CREBBP: variants seen among roughly 807,000 people sequenced by gnomAD.
The protein encoded by CREBBP is CREB-binding protein.
In CREBBP, 19 loss-of-function variants were observed where a neutral mutation model predicts 265.0. The observed-to-expected ratio is 0.07, with a 90% CI of 0.05 to 0.11. CREBBP has a LOEUF of 0.11. Ranked by LOEUF, CREBBP falls within the 10% of genes least tolerant of loss-of-function variation. The probability of loss-of-function intolerance (pLI) is 1.00; values close to 1 mark genes in which losing one functional copy is unlikely to be tolerated. For synonymous variants in CREBBP, 1,457 were observed against 1,223.7 expected (o/e 1.19, Z -3.98); for missense variants, 2,525 against 3,219.0 (o/e 0.78, Z 5.22).
At chr16:3,805,312 C>T (rs1277240956) in intron 3 of CREBBP, among the ~76,000 whole-genome samples, 3 of 152,184 alleles carry the variant, frequency 2.0e-5, no homozygotes, top group Non-Finnish European at 2.9e-5. Flanking sequence ...AATTCATAAT[C>T]ATAGTGTAAT....
intron 2 of CREBBP, among the ~76,000 whole-genome samples, chr16:3,836,463 A>G (rs1232737990): frequency 6.6e-6 from 1 of 151,666 alleles, no homozygotes; most frequent in East Asian, 1.9e-4. Context: ...AAAAAAGAAA[A>G]AAAAGAAATT....
Position 3,758,915 on chromosome 16 carries a change from C to A in CREBBP, c.3308G>T (p.Arg1103Leu). 6.2e-7 allele frequency: 1 copy of A among 1,613,020 alleles called. No homozygotes were observed. Residue 1103 changes from arginine to leucine, a missense_variant, in exon 17 of 31, where the codon CGA becomes CTA. Around this residue, in one of 19 missense-constraint regions of CREBBP, gnomAD observed 12 missense variants for 24.9 expected, o/e 0.48. Transcript: ENST00000262367. The part of the protein sequence containing the change: ...ALMPTLEALY[R>L]QDPESLPFRQ... ...GAAAGGTAATGACTCTGGGTCCTGT[C>A]GATACAGTGCTTCTAGGGTTGGCAT...
At chr16:3,824,230 G>C (rs1278193081) in intron 2 of CREBBP, among the ~76,000 whole-genome samples, 1 of 152,286 alleles carries the variant, frequency 6.6e-6, no homozygotes, top group East Asian at 1.9e-4. Flanking sequence ...GCAAAGGCGA[G>C]CTAAATGGTA....
intron 5 of CREBBP, 133 bp downstream of exon 5, chr16:3,791,848 C>T (rs978232944): frequency 2.5e-6 from 2 of 794,408 alleles, no homozygotes; most frequent in Non-Finnish European, 2.2e-6. Context: ...GTACCTTGGG[C>T]TGCTGTCCGC....
rs2053069226 is a variant in CREBBP, at chr16:3,773,757, C to A, written c.2457G>T (p.Val819=). ...TCCCAGTGGGGCACAGTACCTGTGA[C>A]ACGCCTGTTTGGGCTGGCGGCTGCC... ...GMGQPPAQTG[V]SQGQVPGAAL... Residue 819 remains valine, a synonymous_variant, in exon 13 of 31, where the codon GTG becomes GTT. Transcript: ENST00000262367. The A allele has an allele frequency of 6.2e-7, 1 of 1,613,952 alleles. No homozygotes were observed. Among genetic ancestry groups the A allele is most frequent in the South Asian group, 1.1e-5 (1 of 91,078 alleles).
intron 16 of CREBBP, among the ~76,000 whole-genome samples, chr16:3,765,911 T>C (rs1414786107): frequency 6.6e-6 from 1 of 152,078 alleles, no homozygotes; most frequent in Non-Finnish European, 1.5e-5. Flanking sequence ...TCATAGACCC[T>C]GAATTCCTGG....
intron 1 of CREBBP, among the ~76,000 whole-genome samples, chr16:3,852,966 CAAAAA>C (rs1332391780): frequency 8.6e-6 from 1 of 115,788 alleles, no homozygotes; most frequent in Admixed American, 8.9e-5. Flanking sequence ...CTGTAGCATC[CAAAAA>C]AAAAAAAAAA....
At chr16:3,832,208 A>G (rs1430668922) in intron 2 of CREBBP, among the ~76,000 whole-genome samples, 2 of 152,140 alleles carry the variant, frequency 1.3e-5, no homozygotes, top group African/African-American at 4.8e-5. Flanking sequence ...CCTTCCCACA[A>G]GGAAAACTCC....
chr16:3,730,990 C>G (rs2151315072), intron 30 of CREBBP, among the ~76,000 whole-genome samples: 1 of 152,324 alleles, frequency 6.6e-6, no homozygotes, highest in East Asian at 1.9e-4. Context: ...CAGGGTCAGG[C>G]CTGTGGCTGT....
rs752714303 is a variant in CREBBP, at chr16:3,725,316, G to A, written c.*2402C>T. 1.5e-4 allele frequency: 34 copies of A among 233,208 alleles called. No individual in the cohort carries two copies. Among genetic ancestry groups the A allele is most frequent in the Non-Finnish European group, 2.6e-4 (31 of 118,050 alleles). 14.4% of individuals were successfully genotyped at this position (233,208 alleles called of 1,614,324 possible). ...ACAGGATGCAGACTCCAAAGAGGATGAGGTTGGTACATAACGTTTTGAATT... is the reference window on the plus strand; with the variant it reads ...ACAGGATGCAGACTCCAAAGAGGATAAGGTTGGTACATAACGTTTTGAATT... On this transcript the variant is annotated 3_prime_UTR_variant, in exon 31 of 31. Coordinates refer to ENST00000262367, the MANE Select transcript of CREBBP (RefSeq NM_004380.3).
intron 21 of CREBBP, among the ~76,000 whole-genome samples, chr16:3,746,034 G>A (rs1446830188): frequency 2.0e-5 from 3 of 152,122 alleles, no homozygotes; most frequent in Non-Finnish European, 4.4e-5. Context: ...GTCACCTCCA[G>A]GAACCGCCTC....
chr16:3,814,189 G>GTGTT (rs1555489916), intron 2 of CREBBP, among the ~76,000 whole-genome samples: 22 of 149,274 alleles, frequency 1.5e-4, no homozygotes, highest in Admixed American at 9.9e-4. Flanking sequence ...GTGTGTGTGT[G>GTGTT]TGTGTGTTTG....
At chr16:3,868,793 C>CA (rs985621076) in intron 1 of CREBBP, among the ~76,000 whole-genome samples, 2 of 152,206 alleles carry the variant, frequency 1.3e-5, no homozygotes, top group African/African-American at 2.4e-5. Flanking sequence ...CCACACAACT[C>CA]AGAGTTCCAT....
chr16:3,782,375 T>C (rs894270151), intron 6 of CREBBP, among the ~76,000 whole-genome samples: 3 of 152,182 alleles, frequency 2.0e-5, no homozygotes, highest in Non-Finnish European at 4.4e-5. Flanking sequence ...GCATGAGGCG[T>C]CCAGTCAGCA....
intron 5 of CREBBP, among the ~76,000 whole-genome samples, chr16:3,783,553 C>T (rs752402885): frequency 1.3e-5 from 2 of 152,212 alleles, no homozygotes; most frequent in Non-Finnish European, 2.9e-5. Context: ...CCATGCTGAG[C>T]TCTCCGGCTA....
At chr16:3,777,974 C>A in intron 10 of CREBBP, 37 bp downstream of exon 10, 1 of 1,608,628 alleles carries the variant, frequency 6.2e-7, no homozygotes, top group Middle Eastern at 1.7e-4. Flanking sequence ...ACCAAGGAAA[C>A]AGGCTAAGGG....
chr16:3,794,331 C>CAAAAAAAAAAAAA (rs746656673), intron 3 of CREBBP, among the ~76,000 whole-genome samples: 4 of 39,614 alleles, frequency 1.0e-4, no homozygotes, highest in Non-Finnish European at 1.9e-4. Flanking sequence ...GACTCCGTCT[C>CAAAAAAAAAAAAA]AAAAAAAAAA....
chr16:3,759,794 A>C (rs1452545960), intron 16 of CREBBP, among the ~76,000 whole-genome samples: 1 of 152,192 alleles, frequency 6.6e-6, no homozygotes, highest in East Asian at 1.9e-4. Context: ...CAATTTCTCC[A>C]ACCCCTCAGA....
chr16:3,812,534 T>C (rs1206244595), intron 2 of CREBBP, among the ~76,000 whole-genome samples: 1 of 151,366 alleles, frequency 6.6e-6, no homozygotes, highest in African/African-American at 2.4e-5. Context: ...AAATCAAATA[T>C]ATACTAGATA....
Sources: gnomAD v4.1 joint callset for allele counts (sites outside exome capture counted in the v4.1 genomes callset) on GRCh38, gnomAD v4.1.1 for gene constraint, gnomAD v4.1.1 regional missense constraint, MANE v1.5 for transcripts, NCBI Gene and HGNC (gene_info 2026-07-23, HGNC 2026-07-21) for gene names.